HEPH: variants seen among roughly 807,000 people sequenced by gnomAD.
HEPH encodes the protein hephaestin.
A neutral mutation model predicts 80.8 loss-of-function variants in HEPH; 69 were observed. The observed-to-expected ratio is 0.85, with a 90% CI of 0.70 to 1.04. The LOEUF (loss-of-function observed/expected upper bound fraction) is 1.04. Ranked by LOEUF, HEPH falls within the 50% of genes least tolerant of loss-of-function variation. The probability of loss-of-function intolerance (pLI) is 0.00; values close to 1 mark genes in which losing one functional copy is unlikely to be tolerated. For missense variants in HEPH, 1,115 were observed against 891.3 expected (o/e 1.25, Z -3.20); for synonymous variants, 431 against 322.8 (o/e 1.34, Z -3.60).
intron 20 of HEPH, among the ~76,000 whole-genome samples, chrX:66,264,919 A>G (rs1380019993): frequency 2.8e-5 from 3 of 108,390 alleles, no homozygotes; most frequent in Non-Finnish European, 5.7e-5. Flanking sequence ...GTATATATAC[A>G]TACATATTTT....
chrX:66,197,849 G>A lies in HEPH; in HGVS notation c.1668G>A (p.Pro556=), dbSNP rs146737725. 173 of 1,206,158 alleles carry A rather than the reference G, an allele frequency of 1.4e-4. No homozygotes were observed. The African/African-American group carries it at 2.6e-3, about 18-fold the overall frequency. The part of the protein sequence containing the change: ...IRDTNSGLVG[P]LLVCRAGALG... ...ACACAAATTCTGGCCTGGTGGGCCC[G>A]CTGCTGGTGTGCAGGGCTGGTGCCT... The change falls in exon 10 of 21, where the codon CCG becomes CCA. Residue 556 remains proline (P), a synonymous_variant. Transcript: ENST00000343002.
At chrX:66,164,175 T>A (rs1463180265), upstream of HEPH, 2 of 748,704 alleles carry the variant, frequency 2.7e-6, no homozygotes, top group African/African-American at 4.6e-5. Flanking sequence ...AACCAGGATT[T>A]GTAAAACACC....
intron 1 of HEPH, among the ~76,000 whole-genome samples, chrX:66,168,645 A>C (rs1246603198): frequency 2.7e-5 from 3 of 111,937 alleles, no homozygotes; most frequent in African/African-American, 6.5e-5. Flanking sequence ...CTATAAGTTT[A>C]TTTCTTAAAA....
intron 16 of HEPH, 39 bp from the exon 17 acceptor site, chrX:66,256,066 C>A: frequency 9.2e-7 from 1 of 1,085,883 alleles, no homozygotes; most frequent in Non-Finnish European, 1.3e-6. Flanking sequence ...AGAAACAACT[C>A]CATCTCTTTC....
chrX:66,224,843 TTCTC>T (rs1183063121), intron 15 of HEPH, among the ~76,000 whole-genome samples: 1 of 110,081 alleles, frequency 9.1e-6, no homozygotes, highest in Non-Finnish European at 1.9e-5. Flanking sequence ...CTCTCTTTCT[TTCTC>T]TCTCTCTGTC....
intron 15 of HEPH, among the ~76,000 whole-genome samples, chrX:66,248,779 A>T (rs1354183911): frequency 8.9e-6 from 1 of 112,330 alleles, no homozygotes; most frequent in East Asian, 2.8e-4. Flanking sequence ...AGATATAAAC[A>T]GAAATGTGTT....
intron 15 of HEPH, among the ~76,000 whole-genome samples, chrX:66,220,290 C>A (rs1037602704): frequency 2.7e-5 from 3 of 111,567 alleles, no homozygotes; most frequent in African/African-American, 9.8e-5. Context: ...CTGGTACTGG[C>A]ACATTCAGTT....
intron 18 of HEPH, 127 bp from the exon 19 acceptor site, chrX:66,259,973 C>CA: frequency 2.1e-6 from 1 of 476,944 alleles, no homozygotes; most frequent in Non-Finnish European, 3.6e-6. Context: ...TAAAACCACT[C>CA]ACTGGTCTAG....
At chrX:66,264,581 G>A (rs546453229) in intron 20 of HEPH, among the ~76,000 whole-genome samples, 4 of 108,696 alleles carry the variant, frequency 3.7e-5, no homozygotes, top group Non-Finnish European at 3.8e-5. Flanking sequence ...GATCCAGAAA[G>A]GTATGAGAGC....
intron 15 of HEPH, among the ~76,000 whole-genome samples, chrX:66,217,096 G>A (rs2089431676): frequency 9.0e-6 from 1 of 110,942 alleles, no homozygotes; most frequent in Non-Finnish European, 1.9e-5. Flanking sequence ...CTAAAAGTTT[G>A]GAAAACATAT....
chrX:66,236,486 C>G (rs2090366533), intron 15 of HEPH, among the ~76,000 whole-genome samples: 1 of 111,404 alleles, frequency 9.0e-6, no homozygotes, highest in Admixed American at 9.6e-5. Context: ...GGTGGATAAG[C>G]CTTTTGATGT....
intron 20 of HEPH, 36 bp from the exon 21 acceptor site, chrX:66,266,404 A>G (rs1309271702): frequency 9.0e-7 from 1 of 1,107,591 alleles, no homozygotes; most frequent in South Asian, 1.9e-5. Flanking sequence ...AGTACTCCCC[A>G]TCCCAGGATG....
intron 12 of HEPH, among the ~76,000 whole-genome samples, chrX:66,202,912 C>CATATATATATATATAT (rs759619010): frequency 5.6e-4 from 46 of 81,769 alleles, no homozygotes; most frequent in Admixed American, 2.7e-3. Flanking sequence ...TTTATGTGTG[C>CATATATATATATATAT]ATATATATAT....
chrX:66,178,139 C>T (rs980806787), intron 4 of HEPH, among the ~76,000 whole-genome samples: 3 of 111,189 alleles, frequency 2.7e-5, no homozygotes, highest in African/African-American at 9.8e-5. Flanking sequence ...GTTCCCTTTC[C>T]TGTGTCCAAG....
Position 66,231,603 on chromosome X carries a change from T to C in HEPH, c.2563+23357T>C, listed in dbSNP as rs376881008. On this transcript the variant is annotated intron_variant, in intron 15 of 20. Transcript: ENST00000343002. ...TGTCTGTTGTTGGTGTATAAGAATG[T>C]TTGTGATTTTTGTACATTGATTTTG... is the stretch of plus-strand genomic sequence containing the variant. Among the ~76,000 whole-genome samples, 80 of 109,363 alleles carry C rather than the reference T, an allele frequency of 7.3e-4. No homozygotes were observed. In the East Asian group the frequency reaches 0.02, roughly 27 times the overall value. 95.0% of individuals were successfully genotyped at this position (109,363 alleles called of 115,157 possible). A position where few individuals can be genotyped will look rare whatever the true frequency, so the allele number is the denominator to read the frequency against.
At chrX:66,202,957 A>G (rs902798018) in intron 12 of HEPH, among the ~76,000 whole-genome samples, 4 of 103,703 alleles carry the variant, frequency 3.9e-5, no homozygotes, top group African/African-American at 7.0e-5. Context: ...ACACACACAC[A>G]TAATATATTT....
At position 66,197,862 on chromosome X, in the gene HEPH, A is replaced by G. The variant is rs770104355; in HGVS notation, c.1681A>G (p.Arg561Gly). 7 of 1,205,409 alleles carry G rather than the reference A, an allele frequency of 5.8e-6. No individual in the cohort carries two copies. Among genetic ancestry groups the G allele is most frequent in the Non-Finnish European group, 7.8e-6 (7 of 892,192 alleles). ...SGLVGPLLVC[R>G]AGALGADGKQ... ...CCTGGTGGGCCCGCTGCTGGTGTGC[A>G]GGGCTGGTGCCTTGGGTGCAGATGG... Residue 561 changes from arginine (R) to glycine (G), a missense_variant, in exon 10 of 21, where the codon AGG (arginine) becomes GGG (glycine). Physicochemically the swap from Arg to Gly is moderately radical, Grantham distance 125 (BLOSUM62 -2). Transcript: ENST00000343002.
chrX:66,178,947 T>C (rs1179095530), intron 4 of HEPH, among the ~76,000 whole-genome samples: 1 of 112,087 alleles, frequency 8.9e-6, no homozygotes, highest in Non-Finnish European at 1.9e-5. Flanking sequence ...CTCTTTAGTT[T>C]AGTTACATCC....
chrX:66,229,038 CA>C (rs2090010896), intron 15 of HEPH, among the ~76,000 whole-genome samples: 2 of 112,024 alleles, frequency 1.8e-5, no homozygotes, highest in African/African-American at 6.5e-5. Context: ...CGTATCTACC[CA>C]GTGAAAAGAA....
Sources: allele counts gnomAD v4.1 joint callset (sites outside exome capture counted in the v4.1 genomes callset), GRCh38; gene constraint gnomAD v4.1.1; transcripts MANE v1.5; gene names NCBI Gene and HGNC (gene_info 2026-07-23, HGNC 2026-07-21).